Variants in AFG2A observed in about 807,000 individuals in gnomAD.
AFG2A encodes AAA ATPase AFG2A.
At chr4:123,194,662 G>T in the AFG2A span, among the ~76,000 whole-genome samples, 1 of 152,114 alleles carries the variant, frequency 6.6e-6, no homozygotes, top group Non-Finnish European at 1.5e-5. Flanking sequence ...CAGAATTTTG[G>T]TTGCATTTCA....
chr4:123,134,435 C>T, the AFG2A span, among the ~76,000 whole-genome samples: 1 of 152,070 alleles, frequency 6.6e-6, no homozygotes, highest in East Asian at 1.9e-4. Flanking sequence ...TATTTCTGCT[C>T]TCTCTGTCCT....
At chr4:123,178,787 A>G in the AFG2A span, among the ~76,000 whole-genome samples, 35 of 152,308 alleles carry the variant, frequency 2.3e-4, 1 homozygote, top group African/African-American at 8.4e-4. Context: ...TTAAATCCAT[A>G]ATATGCTGAC....
chr4:123,009,828 A>T, the AFG2A span, among the ~76,000 whole-genome samples: 6 of 152,204 alleles, frequency 3.9e-5, no homozygotes, highest in African/African-American at 1.4e-4. Context: ...TTGAACCTTT[A>T]ATTATCTAAT....
At chr4:123,058,379 C>CT in the AFG2A span, among the ~76,000 whole-genome samples, 1 of 152,224 alleles carries the variant, frequency 6.6e-6, no homozygotes, top group Non-Finnish European at 1.5e-5. Context: ...AATCCCAGCA[C>CT]TTTGGCAGGC....
At chr4:123,059,318 A>T in the AFG2A span, among the ~76,000 whole-genome samples, 70 of 68,160 alleles carry the variant, frequency 1.0e-3, 1 homozygote, top group South Asian at 0.045. Flanking sequence ...CCGACCCCAC[A>T]ACAGTCCCCC....
the AFG2A span, among the ~76,000 whole-genome samples, chr4:122,954,234 G>C: frequency 2.0e-5 from 3 of 152,030 alleles, no homozygotes; most frequent in Admixed American, 1.3e-4. Context: ...CACTCATCTT[G>C]AGTCTGGAGA....
At chr4:123,034,147 A>AAT in the AFG2A span, among the ~76,000 whole-genome samples, 1 of 152,092 alleles carries the variant, frequency 6.6e-6, no homozygotes, top group Non-Finnish European at 1.5e-5. Flanking sequence ...ACAGATTGAA[A>AAT]ATATAATATT....
chr4:122,954,995 G>A, the AFG2A span, among the ~76,000 whole-genome samples: 2 of 152,136 alleles, frequency 1.3e-5, no homozygotes, highest in Admixed American at 6.5e-5. Flanking sequence ...TACGGTCTCG[G>A]TGCTCATGAA....
the AFG2A span, among the ~76,000 whole-genome samples, chr4:122,973,883 GC>G: frequency 6.6e-6 from 1 of 152,082 alleles, no homozygotes; most frequent in African/African-American, 2.4e-5. Flanking sequence ...ACACAGTGTT[GC>G]CCAGGCTAGT....
chr4:122,998,881 T>G, the AFG2A span, among the ~76,000 whole-genome samples: 1 of 152,180 alleles, frequency 6.6e-6, no homozygotes, highest in Non-Finnish European at 1.5e-5. Flanking sequence ...CCTGAGGAAT[T>G]GCCACACTGA....
chr4:123,021,013 G>T, the AFG2A span, among the ~76,000 whole-genome samples: 1 of 152,114 alleles, frequency 6.6e-6, no homozygotes, highest in African/African-American at 2.4e-5. Context: ...GCCTTGAGAA[G>T]TCCATATTTT....
the AFG2A span, among the ~76,000 whole-genome samples, chr4:122,932,029 G>A: frequency 6.6e-6 from 1 of 152,178 alleles, no homozygotes; most frequent in Admixed American, 6.5e-5. Flanking sequence ...CACTTTGGGA[G>A]GCTGAGGTGG....
chr4:123,086,042 A>G, the AFG2A span, among the ~76,000 whole-genome samples: 2 of 152,256 alleles, frequency 1.3e-5, no homozygotes, highest in South Asian at 4.1e-4. Flanking sequence ...CGTAAACTAT[A>G]GGTATCAAAT....
chr4:123,211,071 T>C, the AFG2A span, among the ~76,000 whole-genome samples: 1 of 152,178 alleles, frequency 6.6e-6, no homozygotes, highest in Non-Finnish European at 1.5e-5. Flanking sequence ...TTTTTCTCAA[T>C]GTCTCCAAAG....
chr4:123,305,824 A>G, the AFG2A span, among the ~76,000 whole-genome samples: 1 of 152,222 alleles, frequency 6.6e-6, no homozygotes, highest in African/African-American at 2.4e-5. Context: ...TGGGGGAAAG[A>G]ACCGTAGGCA....
At chr4:123,111,726 C>CTTA in the AFG2A span, among the ~76,000 whole-genome samples, 6 of 150,676 alleles carry the variant, frequency 4.0e-5, no homozygotes, top group East Asian at 5.8e-4. Context: ...TCTTCTTCTT[C>CTTA]TTCTTCTTAT....
chr4:123,208,948 A>G, the AFG2A span, among the ~76,000 whole-genome samples: 1 of 152,172 alleles, frequency 6.6e-6, no homozygotes, highest in African/African-American at 2.4e-5. Context: ...ACAGGAGAGA[A>G]CAAGGCATGA....
chr4:123,244,499 G>T, the AFG2A span, among the ~76,000 whole-genome samples: 2 of 152,178 alleles, frequency 1.3e-5, no homozygotes, highest in African/African-American at 4.8e-5. Context: ...CATCAGTCCT[G>T]TGGTGCCCGT....
chr4:123,152,040 C>A, the AFG2A span, among the ~76,000 whole-genome samples: 1 of 151,866 alleles, frequency 6.6e-6, no homozygotes, highest in African/African-American at 2.4e-5. Flanking sequence ...GAAAACCAAA[C>A]ACCTCACATT....
Sources: gnomAD v4.1 joint callset for allele counts (sites outside exome capture counted in the v4.1 genomes callset) on GRCh38, gnomAD v4.1.1 for gene constraint, MANE v1.5 for transcripts, NCBI Gene and HGNC (gene_info 2026-07-23, HGNC 2026-07-21) for gene names.